PARD3B: variants seen among roughly 807,000 people sequenced by gnomAD.
PARD3B encodes partitioning defective 3 homolog B.
Under a neutral mutation model 130.2 loss-of-function variants are expected in PARD3B, and 103 were observed. The observed-to-expected ratio is 0.79, with a 90% CI of 0.67 to 0.93. The LOEUF (loss-of-function observed/expected upper bound fraction) is 0.93. Ranked by LOEUF, PARD3B falls within the 40% of genes least tolerant of loss-of-function variation. The pLI, the probability that PARD3B is intolerant of heterozygous loss-of-function variation, is 0.00. For synonymous variants in PARD3B, 583 were observed against 553.2 expected, an observed-to-expected ratio of 1.05 and a Z score of -0.76; for missense variants, 1,609 against 1,499.2, an observed-to-expected ratio of 1.07 and a Z score of -1.21.
chr2:204,688,654 T>G (rs1027440848), intron 2 of PARD3B, among the ~76,000 whole-genome samples: 1 of 152,074 alleles, frequency 6.6e-6, no homozygotes, highest in Admixed American at 6.6e-5. Flanking sequence ...AAGATTTCTT[T>G]ATAGTCCATA....
Position 205,128,307 on chromosome 2 carries a change from A to G in PARD3B, c.1434+2570A>G, listed in dbSNP as rs1575877547. On this transcript the variant is annotated intron_variant, in intron 10 of 22. Coordinates refer to ENST00000406610, the MANE Select transcript of PARD3B (RefSeq NM_001302769.2). The surrounding 1 kb of genome is among the most constrained non-coding windows in gnomAD (Gnocchi z 4.5). ...GTAGTTCCTTATACCTTTCTCCCAT[A>G]TGTCCTCTGGAATTTTTAACCCCAC... is the stretch of plus-strand genomic sequence containing the variant. 6.6e-6 allele frequency among the ~76,000 whole-genome samples: 1 copy of G among 152,144 alleles called. No individual in the cohort carries two copies. Among genetic ancestry groups the G allele is most frequent in the Non-Finnish European group, 1.5e-5 (1 of 68,018 alleles).
At chr2:205,336,233 A>G (rs2043310355) in intron 18 of PARD3B, among the ~76,000 whole-genome samples, 1 of 152,252 alleles carries the variant, frequency 6.6e-6, no homozygotes, top group Admixed American at 6.5e-5. Flanking sequence ...GTGAGAATAT[A>G]TGTGATATCA....
At chr2:205,093,543 T>C (rs1041451315) in intron 4 of PARD3B, among the ~76,000 whole-genome samples, 1 of 152,158 alleles carries the variant, frequency 6.6e-6, no homozygotes, top group African/African-American at 2.4e-5. Context: ...GATGGCTGGA[T>C]ATTTGCCAGG....
chr2:205,079,326 A>G (rs919822088), intron 4 of PARD3B, among the ~76,000 whole-genome samples: 5 of 152,150 alleles, frequency 3.3e-5, no homozygotes, highest in Non-Finnish European at 5.9e-5. Flanking sequence ...AGACTAGGTA[A>G]TTTATAAAGA....
intron 2 of PARD3B, among the ~76,000 whole-genome samples, chr2:204,962,235 A>C (rs369032805): frequency 1.2e-4 from 18 of 152,122 alleles, no homozygotes; most frequent in African/African-American, 2.9e-4. Flanking sequence ...GGACACTGGC[A>C]TCATAGAAGG....
At chr2:204,976,188 T>G (rs1427581217) in intron 3 of PARD3B, among the ~76,000 whole-genome samples, 1 of 152,198 alleles carries the variant, frequency 6.6e-6, no homozygotes, top group Non-Finnish European at 1.5e-5. Flanking sequence ...AAGTAGGCAA[T>G]GGAATGTTTC....
chr2:205,503,250 T>A (rs966475546), intron 21 of PARD3B, among the ~76,000 whole-genome samples: 2 of 152,156 alleles, frequency 1.3e-5, no homozygotes, highest in Non-Finnish European at 2.9e-5. Flanking sequence ...ATGTGATAAA[T>A]GCTGTAGTAT....
At chr2:204,555,471 T>TTGCATGAA (rs1360801291) in intron 1 of PARD3B, among the ~76,000 whole-genome samples, 1 of 152,048 alleles carries the variant, frequency 6.6e-6, no homozygotes, top group Non-Finnish European at 1.5e-5. Flanking sequence ...GGCAGGAGAA[T>TTGCATGAA]TGCATGAACC....
intron 21 of PARD3B, among the ~76,000 whole-genome samples, chr2:205,518,696 T>C (rs1307543532): frequency 1.3e-5 from 2 of 152,182 alleles, no homozygotes; most frequent in African/African-American, 4.8e-5. Flanking sequence ...TGTTTAAGTG[T>C]GTTTTTGTGT....
Position 205,615,507 on chromosome 2 carries a change from C to G in PARD3B, c.3312C>G (p.Leu1104=). 1.2e-6 allele frequency: 2 copies of G among 1,613,736 alleles called. No individual in the cohort carries two copies. Among genetic ancestry groups the G allele is most frequent in the East Asian group, 4.5e-5 (2 of 44,874 alleles). Residue 1104 remains leucine (L), a synonymous_variant, in exon 23 of 23, where the codon CTC becomes CTG. Coordinates refer to ENST00000406610, the MANE Select transcript of PARD3B (RefSeq NM_001302769.2). The stretch of plus-strand genomic sequence containing the variant: ...ATCTGCCAGCAGCACCTCGGGGGCT[C>G]TACAAGGAAAGGGAGCTTCCCTATT... ...VDYLPAAPRG[L]YKERELPYYP...
At chr2:205,401,723 C>T (rs114369302) in intron 19 of PARD3B, among the ~76,000 whole-genome samples, 1 of 152,140 alleles carries the variant, frequency 6.6e-6, no homozygotes, top group Non-Finnish European at 1.5e-5. Context: ...AGGTCCTTCA[C>T]GTATCTTTGA....
chr2:205,615,191 T>C (rs1389042361), intron 22 of PARD3B, among the ~76,000 whole-genome samples: 3 of 152,096 alleles, frequency 2.0e-5, no homozygotes, highest in African/African-American at 7.2e-5. Context: ...GGACCCAGGC[T>C]CTCACCTTCT....
At chr2:205,155,985 C>T (rs1207382252) in intron 10 of PARD3B, among the ~76,000 whole-genome samples, 2 of 151,996 alleles carry the variant, frequency 1.3e-5, no homozygotes, top group East Asian at 1.9e-4. Flanking sequence ...CGGCACTATT[C>T]ACAATAGCAA....
rs1018934609 is a variant in PARD3B at position 205,292,038 on chromosome 2, A to G, written c.2186-8492A>G. Among the ~76,000 whole-genome samples the G allele has an allele frequency of 1.3e-5, 2 of 152,186 alleles. No homozygotes were observed. The highest frequency in any genetic ancestry group is 4.8e-5 in the African/African-American group (2 of 41,456). ...CCCTCAGGACCTCAGTGCATGCTGC[A>G]TAGGGCAGCCAAACACCACTGGGTT... On this transcript the variant is annotated intron_variant, in intron 16 of 22. Coordinates refer to ENST00000406610, the MANE Select transcript of PARD3B (RefSeq NM_001302769.2). This position sits in a 1 kb window ranked among gnomAD's most constrained non-coding sequence, Gnocchi z 5.3.
rs2040607984 is a variant in PARD3B, at chr2:205,268,715, T to C, written c.2185+22893T>C. 6.6e-6 allele frequency among the ~76,000 whole-genome samples: 1 copy of C among 152,170 alleles called. No individual in the cohort carries two copies. The highest frequency in any genetic ancestry group is 1.5e-5 in the Non-Finnish European group (1 of 68,034). On this transcript the variant is annotated intron_variant, in intron 16 of 22. Transcript: ENST00000406610. This position sits in a 1 kb window ranked among gnomAD's most constrained non-coding sequence, Gnocchi z 4.1. ...ATAAGTTTTAAAATAAAATGAAGTA[T>C]AATTTTGAGGAATATAGTGCCAATT...
intron 19 of PARD3B, among the ~76,000 whole-genome samples, chr2:205,403,266 A>AT (rs1559060574): frequency 6.6e-6 from 1 of 152,220 alleles, no homozygotes; most frequent in Non-Finnish European, 1.5e-5. Flanking sequence ...TTTTCAAAAT[A>AT]TTTAATGCAC....
At position 205,122,589 on chromosome 2, in the gene PARD3B, C is replaced by T. The variant is rs1386756967; in HGVS notation, c.1165+640C>T. On this transcript the variant is annotated intron_variant, in intron 8 of 22. Coordinates refer to ENST00000406610, the MANE Select transcript of PARD3B (RefSeq NM_001302769.2). The surrounding 1 kb of genome is among the most constrained non-coding windows in gnomAD (Gnocchi z 4.3). ...ACATAAGCATTCATGTGCTTCTGTG[C>T]TTTTGTTCATTTTGTAACCTCTGCT... Among the ~76,000 whole-genome samples, 2 of 152,128 alleles carry T rather than the reference C, an allele frequency of 1.3e-5. No individual in the cohort carries two copies. The highest frequency in any genetic ancestry group is 2.9e-5 in the Non-Finnish European group (2 of 68,018).
chr2:204,706,164 G>A (rs1002032654), intron 2 of PARD3B, among the ~76,000 whole-genome samples: 5 of 151,988 alleles, frequency 3.3e-5, no homozygotes, highest in African/African-American at 9.7e-5. Context: ...TCAGGAGATC[G>A]AGACCATGCT....
In PARD3B at chr2:205,265,600, A is replaced by G. The variant is rs911868852; in HGVS notation, c.2185+19778A>G. Among the ~76,000 whole-genome samples the G allele has an allele frequency of 1.3e-5, 2 of 152,028 alleles. No individual in the cohort carries two copies. Among genetic ancestry groups the G allele is most frequent in the Non-Finnish European group, 2.9e-5 (2 of 67,932 alleles). Reference sequence around the variant, plus strand: ...TCACCGAAGAGATGTTCAGTGTAATATAATTATTTTGATGTCACTTTTCAT... The same window carrying G: ...TCACCGAAGAGATGTTCAGTGTAATGTAATTATTTTGATGTCACTTTTCAT... On this transcript the variant is annotated intron_variant, in intron 16 of 22. Coordinates refer to ENST00000406610, the MANE Select transcript of PARD3B (RefSeq NM_001302769.2). The surrounding 1 kb of genome is among the most constrained non-coding windows in gnomAD (Gnocchi z 4.3).
Sources: allele counts gnomAD v4.1 joint callset (sites outside exome capture counted in the v4.1 genomes callset), GRCh38; gene constraint gnomAD v4.1.1; non-coding constraint Gnocchi (gnomAD v3.1); transcripts MANE v1.5; gene names NCBI Gene and HGNC (gene_info 2026-07-23, HGNC 2026-07-21).